ARID2: variants seen among roughly 807,000 people sequenced by gnomAD.
The protein encoded by ARID2 is AT-rich interaction domain 2, also known as AT-rich interactive domain-containing protein 2.
Under a neutral mutation model 184.6 loss-of-function variants are expected in ARID2, and 32 were observed. The ratio of observed to expected loss-of-function variants is 0.17; its 90% CI spans 0.13 to 0.23. ARID2 has a LOEUF of 0.23. Ranked by LOEUF, ARID2 falls within the 10% of genes least tolerant of loss-of-function variation. The pLI is 1.00. For missense variants in ARID2, 1,696 were observed against 2,197.6 expected, an observed-to-expected ratio of 0.77 and a Z score of 4.56; for synonymous variants, 836 against 772.6, an observed-to-expected ratio of 1.08 and a Z score of -1.36.
intron 3 of ARID2, among the ~76,000 whole-genome samples, chr12:45,742,333 T>C (rs943996014): frequency 3.9e-5 from 6 of 152,206 alleles, no homozygotes; most frequent in African/African-American, 1.4e-4. Context: ...TTGCTTGCAG[T>C]ATTTGGTACA....
chr12:45,870,440 A>G (rs1246539948), intron 16 of ARID2, among the ~76,000 whole-genome samples: 1 of 152,168 alleles, frequency 6.6e-6, no homozygotes, highest in East Asian at 1.9e-4. Context: ...ATGAGCCAAT[A>G]TTGATACACT....
At chr12:45,882,207 T>C (rs1457018903) in intron 16 of ARID2, 1 of 152,278 alleles carries the variant, frequency 6.6e-6, no homozygotes, top group Non-Finnish European at 1.5e-5. Context: ...TTTGATGACC[T>C]TCTTTCTTTT....
rs1053097414 is a variant in ARID2, at chr12:45,907,884, A to G, written c.*2806A>G. On this transcript the variant is annotated 3_prime_UTR_variant, in exon 21 of 21. Transcript: ENST00000334344. ...AAATTGATAATCATATAGCGAAGGC[A>G]TATTTTTCTTCCAAGCTCAAGTCAG... 1.7e-5 allele frequency: 4 copies of G among 231,864 alleles called. No homozygotes were observed. Among genetic ancestry groups the G allele is most frequent in the African/African-American group, 8.8e-5 (4 of 45,282 alleles). 14.4% of individuals were successfully genotyped at this position (231,864 alleles called of 1,614,324 possible).
At chr12:45,798,244 C>T (rs755258910) in intron 3 of ARID2, among the ~76,000 whole-genome samples, 2 of 151,998 alleles carry the variant, frequency 1.3e-5, no homozygotes, top group South Asian at 2.1e-4. Flanking sequence ...CAAAAACTAC[C>T]GTAATATTCT....
At chr12:45,753,035 C>T (rs1253549055) in intron 3 of ARID2, among the ~76,000 whole-genome samples, 4 of 151,838 alleles carry the variant, frequency 2.6e-5, no homozygotes, top group East Asian at 1.9e-4. Context: ...CTGAGGCGGG[C>T]GGATCACCTG....
intron 6 of ARID2, among the ~76,000 whole-genome samples, chr12:45,828,920 T>G (rs1943056490): frequency 6.6e-6 from 1 of 151,988 alleles, no homozygotes; most frequent in South Asian, 2.1e-4. Flanking sequence ...CTTACATAAC[T>G]TAATTTTAAT....
chr12:45,881,875 T>C lies in ARID2; in HGVS notation c.4923-9905T>C, dbSNP rs1200871228. The C allele has an allele frequency of 7.3e-5, 16 of 220,474 alleles. 1 individual carries two copies. Among genetic ancestry groups the C allele is most frequent in the African/African-American group, 7.0e-5 (3 of 42,960 alleles). 13.7% of individuals were successfully genotyped at this position (220,474 alleles called of 1,614,324 possible). ...TCGCCAACTCTGGTCTCCTCCTCACTGTGTCTGGGATCTGGGGAGGTTTTC... is the reference window on the plus strand; with the variant it reads ...TCGCCAACTCTGGTCTCCTCCTCACCGTGTCTGGGATCTGGGGAGGTTTTC... On this transcript the variant is annotated intron_variant, in intron 16 of 20. Coordinates refer to ENST00000334344, the MANE Select transcript of ARID2 (RefSeq NM_152641.4).
intron 3 of ARID2, among the ~76,000 whole-genome samples, chr12:45,801,019 G>C (rs896946378): frequency 1.2e-4 from 18 of 152,138 alleles, no homozygotes; most frequent in Admixed American, 6.5e-4. Context: ...AATGTTGAAG[G>C]AATAATGGAG....
intron 15 of ARID2, among the ~76,000 whole-genome samples, chr12:45,857,212 A>G (rs1943665785): frequency 6.6e-6 from 1 of 152,192 alleles, no homozygotes; most frequent in Admixed American, 6.5e-5. Context: ...CCTCGCCTCA[A>G]TTCAGAGTGT....
At chr12:45,743,152 G>C (rs1313473789) in intron 3 of ARID2, among the ~76,000 whole-genome samples, 3 of 151,268 alleles carry the variant, frequency 2.0e-5, no homozygotes, top group African/African-American at 7.3e-5. Flanking sequence ...AGGAGCTCGA[G>C]ACCAGCCTGG....
intron 12 of ARID2, 119 bp downstream of exon 12, chr12:45,847,056 A>G (rs1943456839): frequency 2.6e-6 from 2 of 777,274 alleles, no homozygotes; most frequent in Non-Finnish European, 4.1e-6. Flanking sequence ...TAGTTAGAGT[A>G]GAATATCATT....
In ARID2 at chr12:45,793,205, C is replaced by T. The variant is rs142570172; in HGVS notation, c.285-18213C>T. On this transcript the variant is annotated intron_variant, in intron 3 of 20. Coordinates refer to ENST00000334344, the MANE Select transcript of ARID2 (RefSeq NM_152641.4). ...ATCCCAGTTACTTGGGAGGCTGAGA[C>T]AAGAGAACCGCTTGAACCCCGGAAG... 2.4e-4 allele frequency among the ~76,000 whole-genome samples: 37 copies of T among 152,030 alleles called. No individual in the cohort carries two copies. In the East Asian group the frequency reaches 6.4e-3, roughly 26 times the overall value.
chr12:45,879,250 A>G (rs1204503080), intron 16 of ARID2, among the ~76,000 whole-genome samples: 1 of 151,974 alleles, frequency 6.6e-6, no homozygotes, highest in Non-Finnish European at 1.5e-5. Flanking sequence ...CGTGTTTTCT[A>G]ATTGCTTTTC....
Position 45,851,090 on chromosome 12 carries a change from G to T in ARID2, c.2967G>T (p.Ser989=), listed in dbSNP as rs534704777. The T allele has an allele frequency of 1.2e-6, 2 of 1,613,964 alleles. No individual in the cohort carries two copies. The highest frequency in any genetic ancestry group is 2.2e-5 in the East Asian group (1 of 44,884). ...ATAACCAAGTCCCTACTGCCATGTC[G>T]TCGTCCTCTACCCCTCAATCACAGG... ...ATNNQVPTAM[S]SSSTPQSQGP... The change falls in exon 15 of 21, where the codon TCG becomes TCT. Residue 989 remains serine (S), a synonymous_variant. Coordinates refer to ENST00000334344, the MANE Select transcript of ARID2 (RefSeq NM_152641.4).
At chr12:45,731,173 C>T (rs1592040684) in intron 2 of ARID2, 44 bp from the exon 3 acceptor site, 3 of 1,389,144 alleles carry the variant, frequency 2.2e-6, no homozygotes, top group East Asian at 2.3e-5. Context: ...TTAAGATTTT[C>T]TTAGATTGTT....
At chr12:45,730,203 CG>C in intron 2 of ARID2, 66 bp downstream of exon 2, 1 of 1,527,684 alleles carries the variant, frequency 6.5e-7, no homozygotes, top group Non-Finnish European at 9.0e-7. Context: ...CCTTTGACCC[CG>C]GAGTGGGCGC....
chr12:45,904,371 T>G (rs369284819), intron 20 of ARID2: 1 of 716,324 alleles, frequency 1.4e-6, no homozygotes, highest in East Asian at 2.7e-5. Flanking sequence ...AAAAGAATTT[T>G]GCTGTGCAGC....
At chr12:45,732,187 T>C (rs1941017284) in intron 3 of ARID2, among the ~76,000 whole-genome samples, 1 of 152,198 alleles carries the variant, frequency 6.6e-6, no homozygotes, top group Non-Finnish European at 1.5e-5. Context: ...TAGTTGGTGT[T>C]ATTAAAAACT....
Position 45,730,131 on chromosome 12 carries a change from C to G in ARID2, c.180C>G (p.Phe60Leu), listed in dbSNP as rs200775326. ...LYTRVTTLGG[F>L]AKVSEKNQWG... is the part of the protein sequence containing the mutation. ...CCAGAGTCACTACTTTAGGCGGATTCGCGAAGGTGAGTGGAAGTTTTAATT... is the reference window on the plus strand; with the variant it reads ...CCAGAGTCACTACTTTAGGCGGATTGGCGAAGGTGAGTGGAAGTTTTAATT... Residue 60 changes from phenylalanine (F) to leucine (L), a missense_variant, in exon 2 of 21, where the codon TTC becomes TTG. Coordinates refer to ENST00000334344, the MANE Select transcript of ARID2 (RefSeq NM_152641.4). The G allele has an allele frequency of 6.2e-7, 1 of 1,612,638 alleles. No individual in the cohort carries two copies. The highest frequency in any genetic ancestry group is 1.7e-5 in the Admixed American group (1 of 59,912).
Sources: gnomAD v4.1 joint callset for allele counts (sites outside exome capture counted in the v4.1 genomes callset) on GRCh38, gnomAD v4.1.1 for gene constraint, MANE v1.5 for transcripts, NCBI Gene and HGNC (gene_info 2026-07-23, HGNC 2026-07-21) for gene names.